TCF7: variants seen among roughly 807,000 people sequenced by gnomAD.
TCF7 encodes transcription factor 7, also known as T-cell-factor-7.
TCF7 carries 19 observed loss-of-function variants against 46.8 expected under a neutral mutation model. That is an observed-to-expected ratio of 0.41 (90% CI 0.28 to 0.60). TCF7 has a LOEUF of 0.60. Among genes scored for constraint, TCF7 ranks in the 20% least tolerant of loss-of-function variants. The pLI is 0.35. For synonymous variants in TCF7, 245 were observed against 213.4 expected (o/e 1.15, Z -1.29); for missense variants, 547 against 504.6 (o/e 1.08, Z -0.81).
At chr5:134,123,245 T>C (rs1329227471) in intron 3 of TCF7, among the ~76,000 whole-genome samples, 1 of 152,224 alleles carries the variant, frequency 6.6e-6, no homozygotes, top group Non-Finnish European at 1.5e-5. Flanking sequence ...CAGTGCCCTC[T>C]GGCCTACCCT....
intron 3 of TCF7, among the ~76,000 whole-genome samples, chr5:134,135,283 A>G (rs529817109): frequency 9.2e-5 from 14 of 152,222 alleles, no homozygotes; most frequent in Middle Eastern, 3.4e-3. Context: ...TGTAGGCCCC[A>G]GGTCAGGAGA....
chr5:134,125,028 G>A (rs913730422), intron 3 of TCF7, among the ~76,000 whole-genome samples: 2 of 152,174 alleles, frequency 1.3e-5, no homozygotes, highest in Non-Finnish European at 2.9e-5. Flanking sequence ...TCTTAAATGG[G>A]GTAGGAATCC....
At chr5:134,135,018 ATCACGGC>A (rs1180349133) in intron 3 of TCF7, among the ~76,000 whole-genome samples, 1 of 152,208 alleles carries the variant, frequency 6.6e-6, no homozygotes, top group Non-Finnish European at 1.5e-5. Context: ...CAGTGGCACA[ATCACGGC>A]TCACTGCAGC....
intron 3 of TCF7, among the ~76,000 whole-genome samples, chr5:134,137,101 C>T (rs913897075): frequency 9.9e-5 from 15 of 152,172 alleles, no homozygotes; most frequent in Non-Finnish European, 1.5e-4. Context: ...CTGACTGAAT[C>T]GTCTCTTGAT....
chr5:134,146,620 C>T lies in TCF7; in HGVS notation c.*317C>T, dbSNP rs1050199653. The T allele has an allele frequency of 2.6e-5, 18 of 680,228 alleles. No homozygotes were observed. The South Asian group carries it at 2.9e-4, about 11-fold the overall frequency. 42.1% of individuals were successfully genotyped at this position (680,228 alleles called of 1,614,324 possible). ...TGGCCAGGGGTCCTGTTAACGTCAT[C>T]TCAGGGTCCAGACCCTGAAGATTTC... On this transcript the variant is annotated 3_prime_UTR_variant, in exon 10 of 10. Transcript: ENST00000342854.
At chr5:134,135,803 TGA>T (rs1758775632) in intron 3 of TCF7, among the ~76,000 whole-genome samples, 1 of 151,992 alleles carries the variant, frequency 6.6e-6, no homozygotes, top group South Asian at 2.1e-4. Context: ...TAAACCCAGA[TGA>T]GAGGAAGATG....
intron 5 of TCF7, chr5:134,139,291 C>T: frequency 1.9e-6 from 1 of 530,572 alleles, no homozygotes; most frequent in Non-Finnish European, 3.3e-6. Flanking sequence ...CTGGTCCCAG[C>T]CCTGTCTCCC....
chr5:134,121,076 C>T (rs929935627), intron 3 of TCF7, among the ~76,000 whole-genome samples: 3 of 152,142 alleles, frequency 2.0e-5, no homozygotes, highest in Admixed American at 1.3e-4. Context: ...CTCAGGTGTA[C>T]AGGCCGCCTA....
At chr5:134,140,817 C>G (rs559653800) in intron 5 of TCF7, 5 of 455,644 alleles carry the variant, frequency 1.1e-5, no homozygotes, top group Non-Finnish European at 1.3e-5. Context: ...CTCTCTACCC[C>G]CTGTCCCCTT....
At chr5:134,123,213 T>C (rs1162229823) in intron 3 of TCF7, among the ~76,000 whole-genome samples, 3 of 152,170 alleles carry the variant, frequency 2.0e-5, no homozygotes, top group East Asian at 3.9e-4. Flanking sequence ...GGCTGCACTT[T>C]CCTTTCCCAG....
upstream of TCF7, among the ~76,000 whole-genome samples, chr5:134,112,190 C>T (rs1314280921): frequency 2.0e-5 from 3 of 152,350 alleles, no homozygotes; most frequent in South Asian, 2.1e-4. Flanking sequence ...CTACCTCCTT[C>T]AGGAAGCCAC....
intron 9 of TCF7, chr5:134,145,731 A>G: frequency 1.9e-6 from 3 of 1,613,884 alleles, no homozygotes; most frequent in Non-Finnish European, 2.5e-6. Flanking sequence ...TATTCCATTC[A>G]TTCCATCAGA....
chr5:134,110,178 A>G (rs568573568), upstream of TCF7, among the ~76,000 whole-genome samples: 133 of 152,370 alleles, frequency 8.7e-4, 1 homozygote, highest in African/African-American at 2.9e-3. Flanking sequence ...TAATTTGCCC[A>G]TCACCTCTCA....
rs1758336620 is a variant in TCF7, at chr5:134,132,815, C to T, written c.442-5244C>T. On this transcript the variant is annotated intron_variant, in intron 3 of 9. Transcript: ENST00000342854. The stretch of plus-strand genomic sequence containing the variant: ...TGACTTCAGAACAGAGGAGAACTAC[C>T]TCAGGAGTCTCCGTTTCCATCTCCT... Among the ~76,000 whole-genome samples the T allele has an allele frequency of 2.6e-5, 4 of 152,182 alleles. No homozygotes were observed. In the South Asian group the frequency reaches 8.3e-4, roughly 32 times the overall value.
chr5:134,117,887 C>T (rs528008069), intron 3 of TCF7, among the ~76,000 whole-genome samples: 41 of 152,328 alleles, frequency 2.7e-4, no homozygotes, highest in African/African-American at 8.4e-4. Context: ...AGGAAAAGGA[C>T]GGGCTGTGAC....
At chr5:134,114,169 C>T (rs914308529), upstream of TCF7, among the ~76,000 whole-genome samples, 13 of 152,158 alleles carry the variant, frequency 8.5e-5, no homozygotes, top group African/African-American at 3.1e-4. Context: ...AGAAGGAAGT[C>T]CCTGATTGGC....
intron 6 of TCF7, 114 bp from the exon 7 acceptor site, chr5:134,142,607 A>G (rs1760006612): frequency 1.5e-6 from 2 of 1,374,968 alleles, no homozygotes; most frequent in Admixed American, 5.4e-5. Context: ...GATTCCACTT[A>G]GAAAACTCTG....
At position 134,138,134 on chromosome 5, in the gene TCF7, C is replaced by G. The variant is rs766839118; in HGVS notation, c.517C>G (p.Pro173Ala). Reference sequence around the variant, plus strand: ...ACATTTCAACAGCCCACATCCCACCCCTGCACCTGCGGACATCAGCCAGAA... The same window carrying G: ...ACATTTCAACAGCCCACATCCCACCGCTGCACCTGCGGACATCAGCCAGAA... ...YEHFNSPHPT[P>A]APADISQKQV... is the part of the protein sequence containing the mutation. The change falls in exon 4 of 10, where the codon CCT becomes GCT. Residue 173 changes from proline (P) to alanine (A), a missense_variant. Pro to Ala is a conservative substitution (Grantham distance 27). Transcript: ENST00000342854. 3 of 1,613,730 alleles carry G rather than the reference C, an allele frequency of 1.9e-6. No homozygotes were observed. The highest frequency in any genetic ancestry group is 2.5e-6 in the Non-Finnish European group (3 of 1,179,832).
chr5:134,145,241 C>G (rs1301744806), intron 9 of TCF7: 3 of 554,506 alleles, frequency 5.4e-6, no homozygotes, highest in African/African-American at 3.7e-5. Flanking sequence ...CCCATGGGCT[C>G]CCTCACTTCC....
Sources: allele counts gnomAD v4.1 joint callset (sites outside exome capture counted in the v4.1 genomes callset), GRCh38; gene constraint gnomAD v4.1.1; transcripts MANE v1.5; gene names NCBI Gene and HGNC (gene_info 2026-07-23, HGNC 2026-07-21).